LMTK2: variants seen among roughly 807,000 people sequenced by gnomAD.
The protein encoded by LMTK2 is serine/threonine-protein kinase LMTK2.
A neutral mutation model predicts 127.5 loss-of-function variants in LMTK2; 37 were observed. That is an observed-to-expected ratio of 0.29 (90% CI 0.22 to 0.38). The LOEUF (loss-of-function observed/expected upper bound fraction) is 0.38. LMTK2 is among the 10% of genes least tolerant of loss of function. LMTK2 has a pLI of 1.00. For synonymous variants in LMTK2, 819 were observed against 810.1 expected, an observed-to-expected ratio of 1.01 and a Z score of -0.19; for missense variants, 1,694 against 1,920.3, an observed-to-expected ratio of 0.88 and a Z score of 2.20.
intron 2 of LMTK2, among the ~76,000 whole-genome samples, chr7:98,140,194 G>GTT (rs1796673127): frequency 2.1e-4 from 1 of 4,764 alleles, no homozygotes; most frequent in African/African-American, 8.3e-4. Context: ...TCTTCTTTCT[G>GTT]TCTTTGAGAT....
intron 7 of LMTK2, among the ~76,000 whole-genome samples, chr7:98,174,427 C>T (rs1452279081): frequency 1.3e-5 from 2 of 152,200 alleles, no homozygotes; most frequent in Non-Finnish European, 2.9e-5. Context: ...TGAAGTCGTG[C>T]ATGTGACTTT....
intron 1 of LMTK2, among the ~76,000 whole-genome samples, chr7:98,124,254 C>T (rs1363660525): frequency 6.6e-6 from 1 of 152,208 alleles, no homozygotes; most frequent in Non-Finnish European, 1.5e-5. Context: ...TCGTCCCCTG[C>T]TCTGTCATGG....
intron 10 of LMTK2, 139 bp downstream of exon 10, chr7:98,191,016 A>C (rs1797514983): frequency 2.5e-6 from 2 of 814,782 alleles, no homozygotes. Flanking sequence ...TGAACTACTT[A>C]ATGTGGTTGG....
intron 1 of LMTK2, among the ~76,000 whole-genome samples, chr7:98,137,061 C>G (rs986456461): frequency 6.6e-6 from 1 of 152,116 alleles, no homozygotes; most frequent in Non-Finnish European, 1.5e-5. Flanking sequence ...TGGTAATGTA[C>G]GATGTTAGCA....
rs554553614 is a variant in LMTK2 at position 98,193,652 on chromosome 7, G to A, written c.3187G>A (p.Gly1063Ser). The A allele has an allele frequency of 5.2e-5, 84 of 1,613,736 alleles. No individual in the cohort carries two copies. The highest frequency in any genetic ancestry group is 1.6e-4 in the Middle Eastern group (1 of 6,084). Residue 1063 changes from glycine (G) to serine (S), a missense_variant, in exon 11 of 14, where the codon GGC becomes AGC. This residue lies in a region of LMTK2 where 65 missense variants were observed against 116.5 expected (regional missense o/e 0.56). Coordinates refer to ENST00000297293, the MANE Select transcript of LMTK2 (RefSeq NM_014916.4). The surrounding 1 kb of genome is among the most constrained non-coding windows in gnomAD (Gnocchi z 4.1). ...DSEPATTGDG[G>S]HSGLPPNPVI... is the part of the protein sequence containing the mutation. ...AGAACCAGCCACCACGGGCGATGGC[G>A]GCCACAGCGGTCTGCCTCCCAACCC... is the stretch of plus-strand genomic sequence containing the variant.
chr7:98,139,301 G>T (rs901394353), intron 2 of LMTK2, among the ~76,000 whole-genome samples: 4 of 152,106 alleles, frequency 2.6e-5, no homozygotes, highest in African/African-American at 9.7e-5. Flanking sequence ...TTTTTGTAGA[G>T]ACAGGGTTTC....
chr7:98,162,752 G>A (rs959860033), intron 6 of LMTK2, among the ~76,000 whole-genome samples: 3 of 152,182 alleles, frequency 2.0e-5, no homozygotes, highest in Admixed American at 6.5e-5. Flanking sequence ...ATATGATCCA[G>A]CTAGTTCCAC....
At chr7:98,198,092 C>T (rs1436039486) in intron 11 of LMTK2, among the ~76,000 whole-genome samples, 1 of 151,124 alleles carries the variant, frequency 6.6e-6, no homozygotes, top group Non-Finnish European at 1.5e-5. Flanking sequence ...TTTTCTCTTT[C>T]GTTGATTTCT....
At chr7:98,152,737 C>T (rs1016576239) in intron 4 of LMTK2, among the ~76,000 whole-genome samples, 4 of 152,116 alleles carry the variant, frequency 2.6e-5, no homozygotes, top group African/African-American at 9.7e-5. Flanking sequence ...TACTCTGGTG[C>T]TTGAGAGATC....
chr7:98,194,449 G>A lies in LMTK2; in HGVS notation c.3984G>A (p.Arg1328=), dbSNP rs1293712388. 6.2e-7 allele frequency: 1 copy of A among 1,614,100 alleles called. No individual in the cohort carries two copies. Among genetic ancestry groups the A allele is most frequent in the South Asian group, 1.1e-5 (1 of 91,080 alleles). ...TCATCCTCAGCAACGAGGACGGAAG[G>A]CACCTGCGGAGTCTGTTGAAGCCCA... ...VPIILSNEDG[R]HLRSLLKPTA... Residue 1328 remains arginine, a synonymous_variant, in exon 11 of 14, where the codon AGG becomes AGA. Transcript: ENST00000297293. This position sits in a 1 kb window ranked among gnomAD's most constrained non-coding sequence, Gnocchi z 5.4.
At chr7:98,200,083 CT>C (rs200413528) in intron 11 of LMTK2, among the ~76,000 whole-genome samples, 7 of 150,104 alleles carry the variant, frequency 4.7e-5, no homozygotes, top group African/African-American at 1.5e-4. Flanking sequence ...TTTTCTTTTT[CT>C]TTTTTTTTAC....
intron 6 of LMTK2, among the ~76,000 whole-genome samples, chr7:98,163,556 C>T (rs1285035687): frequency 6.6e-6 from 1 of 152,212 alleles, no homozygotes; most frequent in East Asian, 1.9e-4. Flanking sequence ...AACAGGTTTT[C>T]CAGCAGCAAG....
rs777798664 is a variant in LMTK2 at position 98,191,755 on chromosome 7, G to A, written c.1290G>A (p.Lys430=). 1.2e-5 allele frequency: 20 copies of A among 1,614,064 alleles called. No individual in the cohort carries two copies. The highest frequency in any genetic ancestry group is 3.3e-5 in the Admixed American group (2 of 60,000). ...TTGAACAGCAGTGGAACGCTCTGAA[G>A]CCGAACACAAACAGCAGAGACTCCT... The part of the protein sequence containing the change: ...VDFEQQWNAL[K]PNTNSRDSSN... Residue 430 remains lysine (K), a synonymous_variant, in exon 11 of 14, where the codon AAG becomes AAA. Transcript: ENST00000297293.
In LMTK2 at chr7:98,194,403, A is replaced by G. The variant is rs367687993; in HGVS notation, c.3938A>G (p.Glu1313Gly). ...AGCCTCAGCTCCGAGTCGGAGGACG[A>G]GACCGAGCACCCCGTGCCCATCATC... ...LHSLSSESEDETEHPVPIILS... is the reference protein window; with the variant it reads ...LHSLSSESEDGTEHPVPIILS... The change falls in exon 11 of 14, where the codon GAG becomes GGG. Residue 1313 changes from glutamate to glycine, a missense_variant. Coordinates refer to ENST00000297293, the MANE Select transcript of LMTK2 (RefSeq NM_014916.4). This position sits in a 1 kb window ranked among gnomAD's most constrained non-coding sequence, Gnocchi z 5.4. The G allele has an allele frequency of 6.8e-6, 11 of 1,614,174 alleles. No individual in the cohort carries two copies. The highest frequency in any genetic ancestry group is 3.3e-5 in the Admixed American group (2 of 60,032).
intron 2 of LMTK2, among the ~76,000 whole-genome samples, chr7:98,138,257 T>G (rs1796624247): frequency 6.6e-6 from 1 of 152,160 alleles, no homozygotes; most frequent in Non-Finnish European, 1.5e-5. Context: ...CCCAGGAGCC[T>G]GGAGGTCCAG....
intron 2 of LMTK2, among the ~76,000 whole-genome samples, chr7:98,140,081 T>TTACTTA (rs1562902435): frequency 1.8e-5 from 2 of 110,466 alleles, no homozygotes; most frequent in African/African-American, 8.1e-5. Context: ...TCCACAACTT[T>TTACTTA]CTTTCTTTCT....
chr7:98,119,530 A>G (rs576943814), intron 1 of LMTK2, among the ~76,000 whole-genome samples: 9 of 152,154 alleles, frequency 5.9e-5, no homozygotes, highest in African/African-American at 2.2e-4. Flanking sequence ...TAAAAACTTC[A>G]CTCCTTCTCT....
chr7:98,129,151 CGCACACCACT>C lies in LMTK2; in HGVS notation c.104-8160_104-8151del, dbSNP rs1796485478. Reference sequence around the variant, plus strand: ...CCAGGCTGTAGTGCAGTGGCACGATCGCACACCACTGCAGCCTTAACATCCTGGGCTCAAG... The same window carrying C: ...CCAGGCTGTAGTGCAGTGGCACGATCGCAGCCTTAACATCCTGGGCTCAAG... On this transcript the variant is annotated intron_variant, in intron 1 of 13. Transcript: ENST00000297293. Among the ~76,000 whole-genome samples, 3 of 152,176 alleles carry C rather than the reference CGCACACCACT, an allele frequency of 2.0e-5. No individual in the cohort carries two copies. The South Asian group carries it at 6.2e-4, about 31-fold the overall frequency.
chr7:98,182,475 C>G (rs1376503662), intron 7 of LMTK2, among the ~76,000 whole-genome samples: 2 of 152,116 alleles, frequency 1.3e-5, no homozygotes, highest in African/African-American at 4.8e-5. Flanking sequence ...ATAGGTACAC[C>G]AAAAGATGCC....
Sources: gnomAD v4.1 joint callset for allele counts (sites outside exome capture counted in the v4.1 genomes callset) on GRCh38, gnomAD v4.1.1 for gene constraint, gnomAD v4.1.1 regional missense constraint, Gnocchi (gnomAD v3.1) non-coding constraint, MANE v1.5 for transcripts, NCBI Gene and HGNC (gene_info 2026-07-23, HGNC 2026-07-21) for gene names.